Variants in BCL2L15 observed in about 807,000 individuals in gnomAD.
BCL2L15 encodes the protein bcl-2-like protein 15.
A neutral mutation model predicts 18.3 loss-of-function variants in BCL2L15; 15 were observed. The ratio of observed to expected loss-of-function variants is 0.82; its 90% confidence interval spans 0.55 to 1.26. BCL2L15 has a LOEUF of 1.26. BCL2L15 is among the 50% of genes most tolerant of loss of function. BCL2L15 has a pLI of 0.00. For missense variants in BCL2L15, 180 were observed against 201.7 expected (o/e 0.89, Z 0.65); for synonymous variants, 58 against 68.5 (o/e 0.85, Z 0.76).
At position 113,881,518 on chromosome 1, in the gene BCL2L15, G is replaced by A. The variant is rs1291521775; in HGVS notation, c.474+255C>T. The A allele has an allele frequency of 2.9e-6, 4 of 1,367,634 alleles. No homozygotes were observed. The East Asian group carries it at 1.1e-4, about 37-fold the overall frequency. The allele number at this position is 1,367,634 out of a possible 1,614,324, so 84.7% of individuals were successfully genotyped here. On this transcript the variant is annotated intron_variant, in intron 3 of 3. Transcript: ENST00000393316. ...TATACTTTATAGATGATTATGTGTA[G>A]GAAATGAAGATTAGCTTTACAGTAG... is the stretch of plus-strand genomic sequence containing the variant.
In BCL2L15 at chr1:113,880,947, C is replaced by T; in HGVS notation, c.*176G>A. ...ACAAAACAAAAACCAACTCTGCAGG[C>T]CTCTGGCAGCTGCTCCCAACTTTAA... On this transcript the variant is annotated 3_prime_UTR_variant, in exon 4 of 4. Coordinates refer to ENST00000393316, the MANE Select transcript of BCL2L15 (RefSeq NM_001010922.3). The T allele has an allele frequency of 2.5e-6, 2 of 794,568 alleles. No individual in the cohort carries two copies. Among genetic ancestry groups the T allele is most frequent in the Non-Finnish European group, 4.1e-6 (2 of 489,520 alleles). The allele number at this position is 794,568 out of a possible 1,614,324, so 49.2% of individuals were successfully genotyped here.
chr1:113,886,238 T>C (rs1036605728), intron 2 of BCL2L15, among the ~76,000 whole-genome samples: 1 of 139,582 alleles, frequency 7.2e-6, no homozygotes, highest in African/African-American at 2.7e-5. Context: ...AAAAAAAAGA[T>C]ACTATACTTT....
rs894259031 is a variant in BCL2L15 at position 113,880,349 on chromosome 1, G to C, written c.*774C>G. ...ACTTAAAATAACAAGATTTTAGGCC[G>C]GGCGTGGTGGCTCACGCCTGTAATC... On this transcript the variant is annotated 3_prime_UTR_variant, in exon 4 of 4. Coordinates refer to ENST00000393316, the MANE Select transcript of BCL2L15 (RefSeq NM_001010922.3). The C allele has an allele frequency of 6.6e-6, 1 of 152,128 alleles. No homozygotes were observed. The highest frequency in any genetic ancestry group is 1.5e-5 in the Non-Finnish European group (1 of 68,032). The allele number at this position is 152,128 out of a possible 1,614,324, so 9.4% of individuals were successfully genotyped here.
intron 2 of BCL2L15, among the ~76,000 whole-genome samples, chr1:113,885,976 G>A (rs1299887963): frequency 6.6e-6 from 1 of 151,562 alleles, no homozygotes. Flanking sequence ...GGGAGGCCGA[G>A]GTGAGTGGAT....
chr1:113,882,795 C>T (rs1666917479), intron 2 of BCL2L15, among the ~76,000 whole-genome samples: 1 of 118,636 alleles, frequency 8.4e-6, no homozygotes, highest in Non-Finnish European at 1.7e-5. Context: ...TAAAAAGTAG[C>T]TAGGCATGGT....
intron 1 of BCL2L15, among the ~76,000 whole-genome samples, chr1:113,886,918 T>C (rs551503672): frequency 1.3e-5 from 2 of 152,038 alleles, no homozygotes; most frequent in East Asian, 3.9e-4. Context: ...TTTTTTTTTT[T>C]TGAGACCGAG....
chr1:113,885,386 C>T (rs902899604), intron 2 of BCL2L15, among the ~76,000 whole-genome samples: 1 of 152,158 alleles, frequency 6.6e-6, no homozygotes, highest in Non-Finnish European at 1.5e-5. Context: ...ACTGCCCAAG[C>T]TGTGTATAGT....
In BCL2L15 at chr1:113,882,817, G is replaced by C. The variant is rs372647664; in HGVS notation, c.250-820C>G. ...TAGCTAGGCATGGTAGCACATGCCT[G>C]TAGTCCCAACTACTTATGAGGCTGA... On this transcript the variant is annotated intron_variant, in intron 2 of 3. Transcript: ENST00000393316. Among the ~76,000 whole-genome samples, 28 of 152,116 alleles carry C rather than the reference G, an allele frequency of 1.8e-4. No homozygotes were observed. In the South Asian group the frequency reaches 5.6e-3, roughly 30 times the overall value.
intron 2 of BCL2L15, among the ~76,000 whole-genome samples, chr1:113,885,922 C>G (rs1226260292): frequency 6.7e-6 from 1 of 148,832 alleles, no homozygotes; most frequent in African/African-American, 2.5e-5. Context: ...AAAAAAAAAG[C>G]ATAGGCTGGG....
At chr1:113,886,964 C>G (rs1235423819) in intron 1 of BCL2L15, among the ~76,000 whole-genome samples, 12 of 150,732 alleles carry the variant, frequency 8.0e-5, no homozygotes, top group African/African-American at 2.9e-4. Flanking sequence ...GTGGCGTGAT[C>G]TCAGCTCACT....
rs114068449 is a variant in BCL2L15 at position 113,884,528 on chromosome 1, G to A, written c.249+2009C>T. Reference sequence around the variant, plus strand: ...AAACTTGAATGAGATCTAAGGATTAGATGATAATGAATCAATGTTAATTTC... The same window carrying A: ...AAACTTGAATGAGATCTAAGGATTAAATGATAATGAATCAATGTTAATTTC... On this transcript the variant is annotated intron_variant, in intron 2 of 3. Coordinates refer to ENST00000393316, the MANE Select transcript of BCL2L15 (RefSeq NM_001010922.3). Among the ~76,000 whole-genome samples, 507 of 152,296 alleles carry A rather than the reference G, an allele frequency of 3.3e-3. 2 individuals carry two copies. The highest frequency in any genetic ancestry group is 0.012 in the African/African-American group (479 of 41,548).
Position 113,880,193 on chromosome 1 carries a change from C to G in BCL2L15, c.*930G>C, listed in dbSNP as rs1262988342. On this transcript the variant is annotated 3_prime_UTR_variant, in exon 4 of 4. Transcript: ENST00000393316. ...ATGGAGTAACTTTTATTTTCTTTGA[C>G]CTTCCTAGTAGAAACAACTGTTTTT... 1 of 151,818 alleles carries G rather than the reference C, an allele frequency of 6.6e-6. No homozygotes were observed. The highest frequency in any genetic ancestry group is 6.6e-5 in the Admixed American group (1 of 15,172). The allele number at this position is 151,818 out of a possible 1,614,324, so 9.4% of individuals were successfully genotyped here. A position where few individuals can be genotyped will look rare whatever the true frequency, so the allele number is the denominator to read the frequency against.
chr1:113,885,434 T>G (rs1666997316), intron 2 of BCL2L15, among the ~76,000 whole-genome samples: 1 of 152,042 alleles, frequency 6.6e-6, no homozygotes, highest in South Asian at 2.1e-4. Context: ...GGGTGGTTCT[T>G]TTTTTGAGAC....
chr1:113,881,411 A>G (rs2102245069), intron 3 of BCL2L15: 1 of 1,218,652 alleles, frequency 8.2e-7, no homozygotes, highest in Non-Finnish European at 1.1e-6. Context: ...TAACACACAC[A>G]TAGAGAAGTT....
At chr1:113,881,226 C>A in intron 3 of BCL2L15, 86 bp from the exon 4 acceptor site, 1 of 1,581,638 alleles carries the variant, frequency 6.3e-7, no homozygotes, top group Non-Finnish European at 8.7e-7. Context: ...GCAGATAGCT[C>A]CAGGAAATGT....
chr1:113,878,311 A>T lies in BCL2L15; in HGVS notation c.*2812T>A, dbSNP rs1459491965. 1.3e-5 allele frequency: 2 copies of T among 152,298 alleles called. No homozygotes were observed. Among genetic ancestry groups the T allele is most frequent in the Non-Finnish European group, 2.9e-5 (2 of 68,052 alleles). 9.4% of individuals were successfully genotyped at this position (152,298 alleles called of 1,614,324 possible). On this transcript the variant is annotated 3_prime_UTR_variant, in exon 4 of 4. Transcript: ENST00000393316. ...ATGTCACATAATTAGCCTATGGTGAAACTAAAGTGTTAAAATCAGGCAATC... is the reference window on the plus strand; with the variant it reads ...ATGTCACATAATTAGCCTATGGTGATACTAAAGTGTTAAAATCAGGCAATC...
In BCL2L15 at chr1:113,886,534, G is replaced by T; in HGVS notation, c.249+3C>A. The T allele has an allele frequency of 6.2e-7, 1 of 1,604,756 alleles. No individual in the cohort carries two copies. Among genetic ancestry groups the T allele is most frequent in the South Asian group, 1.1e-5 (1 of 88,698 alleles). On this transcript the variant is annotated splice_donor_region_variant and intron_variant, in intron 2 of 3. Coordinates refer to ENST00000393316, the MANE Select transcript of BCL2L15 (RefSeq NM_001010922.3). ...AAACAATAGCATGAAGTAGAAACTT[G>T]ACCTGTCCCTTAATGGTTTCTGCAA...
intron 2 of BCL2L15, among the ~76,000 whole-genome samples, chr1:113,883,990 A>G (rs1666960162): frequency 6.6e-6 from 1 of 152,270 alleles, no homozygotes; most frequent in East Asian, 1.9e-4. Flanking sequence ...TTAACAGATT[A>G]TAATCCACAG....
rs1430796813 is a variant in BCL2L15, at chr1:113,878,605, TAGAC to T, written c.*2514_*2517del. The T allele has an allele frequency of 2.0e-5, 3 of 152,348 alleles. No individual in the cohort carries two copies. Among genetic ancestry groups the T allele is most frequent in the Non-Finnish European group, 4.4e-5 (3 of 68,024 alleles). 9.4% of individuals were successfully genotyped at this position (152,348 alleles called of 1,614,324 possible). On this transcript the variant is annotated 3_prime_UTR_variant, in exon 4 of 4. Transcript: ENST00000393316. ...TTTGCTGAAACTTAGTTCAAATGCA[TAGAC>T]AGAAGTTTATTTCATAAAACAGAAT...
Sources: allele counts gnomAD v4.1 joint callset (sites outside exome capture counted in the v4.1 genomes callset), GRCh38; gene constraint gnomAD v4.1.1; transcripts MANE v1.5; gene names NCBI Gene and HGNC (gene_info 2026-07-23, HGNC 2026-07-21).